Variants in CACHD1 observed in about 807,000 individuals in gnomAD.
The protein encoded by CACHD1 is VWFA and cache domain-containing protein 1.
CACHD1 carries 71 observed loss-of-function variants against 138.7 expected under a neutral mutation model. That is an observed-to-expected ratio of 0.51 (90% CI 0.42 to 0.62). The LOEUF is 0.62. Ranked by LOEUF, CACHD1 falls within the 20% of genes least tolerant of loss-of-function variation. CACHD1 has a pLI of 0.00. For synonymous variants in CACHD1, 578 were observed against 591.5 expected (o/e 0.98, Z 0.33); for missense variants, 1,389 against 1,625.3 (o/e 0.85, Z 2.50).
chr1:64,547,983 C>T (rs1646730424), intron 1 of CACHD1, among the ~76,000 whole-genome samples: 1 of 152,016 alleles, frequency 6.6e-6, no homozygotes, highest in African/African-American at 2.4e-5. Flanking sequence ...TTTTGCCCAC[C>T]CACATTTATT....
rs778128365 is a variant in CACHD1 at position 64,682,126 on chromosome 1, A to G, written c.3586+20A>G. On this transcript the variant is annotated intron_variant, in intron 26 of 26. Coordinates refer to ENST00000651257, the MANE Select transcript of CACHD1 (RefSeq NM_020925.4). ...ATCATGGTAAGGTCTAGCTTCCTGCATTTGAAGACCCAAGGAACCTCATGT... is the reference window on the plus strand; with the variant it reads ...ATCATGGTAAGGTCTAGCTTCCTGCGTTTGAAGACCCAAGGAACCTCATGT... 3.1e-6 allele frequency: 5 copies of G among 1,606,272 alleles called. No homozygotes were observed. In the Admixed American group the frequency reaches 5.0e-5, roughly 16 times the overall value.
At chr1:64,542,605 T>C (rs1350976716) in intron 1 of CACHD1, among the ~76,000 whole-genome samples, 3 of 152,098 alleles carry the variant, frequency 2.0e-5, no homozygotes, top group African/African-American at 7.2e-5. Flanking sequence ...AATTTTAAGA[T>C]TTGTGGGGGA....
chr1:64,548,422 C>T (rs1280407457), intron 1 of CACHD1, among the ~76,000 whole-genome samples: 8 of 152,130 alleles, frequency 5.3e-5, no homozygotes. Flanking sequence ...TATTTAACAG[C>T]TTTTGGAAAT....
chr1:64,526,127 A>G (rs1367041963), intron 1 of CACHD1, among the ~76,000 whole-genome samples: 1 of 152,188 alleles, frequency 6.6e-6, no homozygotes, highest in African/African-American at 2.4e-5. Context: ...ACAGCCCCTC[A>G]GAGCCCGTGT....
chr1:64,665,934 G>A, intron 15 of CACHD1, 123 bp from the exon 16 acceptor site: 2 of 471,720 alleles, frequency 4.2e-6, no homozygotes, highest in Middle Eastern at 6.1e-4. Flanking sequence ...GAACCCAGGA[G>A]GCGGAGCTTG....
At chr1:64,513,731 GAC>G (rs758849323) in intron 1 of CACHD1, among the ~76,000 whole-genome samples, 7 of 152,224 alleles carry the variant, frequency 4.6e-5, no homozygotes, top group Non-Finnish European at 8.8e-5. Flanking sequence ...GAATGCCTGT[GAC>G]ACAGCTGGAG....
intron 2 of CACHD1, among the ~76,000 whole-genome samples, chr1:64,559,733 T>C (rs180754290): frequency 6.6e-6 from 1 of 152,204 alleles, no homozygotes; most frequent in Non-Finnish European, 1.5e-5. Flanking sequence ...AAAGGTGTTA[T>C]TTCTTCCTGC....
chr1:64,628,484 T>C (rs897446067), intron 4 of CACHD1, among the ~76,000 whole-genome samples: 2 of 152,164 alleles, frequency 1.3e-5, no homozygotes, highest in Admixed American at 6.6e-5. Flanking sequence ...AAAGAGGAAA[T>C]TCTGATTGCG....
In CACHD1 at chr1:64,594,121, G is replaced by T. The variant is rs545405020; in HGVS notation, c.411-8685G>T. ...ATACAAAAATTAGCTGCGCATGATGGTGGGCGCCTGTAATCCCAGCTAGTT... is the reference window on the plus strand; with the variant it reads ...ATACAAAAATTAGCTGCGCATGATGTTGGGCGCCTGTAATCCCAGCTAGTT... On this transcript the variant is annotated intron_variant, in intron 3 of 26. Transcript: ENST00000651257. Among the ~76,000 whole-genome samples the T allele has an allele frequency of 6.6e-5, 10 of 152,218 alleles. No homozygotes were observed. The South Asian group carries it at 2.1e-3, about 32-fold the overall frequency.
At chr1:64,488,610 G>A (rs1044269009) in intron 1 of CACHD1, among the ~76,000 whole-genome samples, 6 of 152,060 alleles carry the variant, frequency 3.9e-5, no homozygotes, top group Non-Finnish European at 7.4e-5. Flanking sequence ...CTTCCATTTC[G>A]TTAGAATTTG....
rs116500708 is a variant in CACHD1 at position 64,479,338 on chromosome 1, G to A, written c.198+8396G>A. Among the ~76,000 whole-genome samples the A allele has an allele frequency of 8.5e-3, 1,287 of 152,278 alleles. 9 individuals are homozygous for A. The highest frequency in any genetic ancestry group is 0.061 in the Middle Eastern group (18 of 294). On this transcript the variant is annotated intron_variant, in intron 1 of 26. Transcript: ENST00000651257. ...TGAGAGGAGGTTCAGGATGCTTGGA[G>A]AAAGTGTCAGGGATGTTAACCTATT...
Position 64,497,981 on chromosome 1 carries a change from G to T in CACHD1, c.198+27039G>T, listed in dbSNP as rs551384332. ...TCTCTACTGAAAATACCAAAAATTA[G>T]CTGGGCGTGGTGGTGCGTGCCTGTA... On this transcript the variant is annotated intron_variant, in intron 1 of 26. Transcript: ENST00000651257. Among the ~76,000 whole-genome samples, 237 of 152,300 alleles carry T rather than the reference G, an allele frequency of 1.6e-3. 1 individual carries two copies. Among genetic ancestry groups the T allele is most frequent in the Non-Finnish European group, 2.7e-3 (187 of 68,026 alleles).
Position 64,517,236 on chromosome 1 carries a change from A to G in CACHD1, c.199-33358A>G, listed in dbSNP as rs887832728. Among the ~76,000 whole-genome samples, 5 of 152,338 alleles carry G rather than the reference A, an allele frequency of 3.3e-5. 1 individual carries two copies. The highest frequency in any genetic ancestry group is 1.2e-4 in the African/African-American group (5 of 41,588). On this transcript the variant is annotated intron_variant, in intron 1 of 26. Transcript: ENST00000651257. ...TGCAAATATTTTTTCAGTGTATACT[A>G]TGTGCTTTTAGTTCTACTAATTCAT...
At chr1:64,476,212 C>T (rs1407269437) in intron 1 of CACHD1, among the ~76,000 whole-genome samples, 1 of 152,180 alleles carries the variant, frequency 6.6e-6, no homozygotes, top group Admixed American at 6.5e-5. Context: ...CAAGGTAGCT[C>T]GTGTATCTTG....
chr1:64,521,575 A>C (rs1646498369), intron 1 of CACHD1, among the ~76,000 whole-genome samples: 2 of 152,194 alleles, frequency 1.3e-5, no homozygotes, highest in South Asian at 4.1e-4. Context: ...ATACTATTCT[A>C]TTGTATAGAT....
chr1:64,658,789 C>T lies in CACHD1; in HGVS notation c.1867C>T (p.Pro623Ser). ...ACAACTGAAGAACCTCAACACTGTT[C>T]CCAGCAGCAAGCTGCTGTACCACCG... is the stretch of plus-strand genomic sequence containing the variant. Reference protein sequence around the residue: ...VKQLKNLNTVPSSKLLYHRLD... With the variant: ...VKQLKNLNTVSSSKLLYHRLD... Residue 623 changes from proline (P) to serine (S), a missense_variant, in exon 13 of 27, where the codon CCC becomes TCC. Pro to Ser is a moderately conservative substitution (Grantham distance 74). This residue lies in a region of CACHD1 where 1,000 missense variants were observed against 1,114.7 expected (regional missense o/e 0.90). Coordinates refer to ENST00000651257, the MANE Select transcript of CACHD1 (RefSeq NM_020925.4). The T allele has an allele frequency of 3.7e-6, 6 of 1,606,724 alleles. No individual in the cohort carries two copies. The highest frequency in any genetic ancestry group is 5.1e-6 in the Non-Finnish European group (6 of 1,175,572).
At chr1:64,537,411 G>C (rs371560804) in intron 1 of CACHD1, among the ~76,000 whole-genome samples, 1 of 152,150 alleles carries the variant, frequency 6.6e-6, no homozygotes, top group Non-Finnish European at 1.5e-5. Flanking sequence ...GATTTGGCTT[G>C]TTCTCAGACA....
chr1:64,664,357 A>G (rs1293796007), intron 14 of CACHD1, 141 bp from the exon 15 acceptor site: 2 of 720,008 alleles, frequency 2.8e-6, no homozygotes, highest in Non-Finnish European at 2.3e-6. Flanking sequence ...GTTTGGTTGC[A>G]TCCATCTGCT....
intron 4 of CACHD1, among the ~76,000 whole-genome samples, chr1:64,618,464 T>A (rs1044827041): frequency 6.6e-6 from 1 of 152,170 alleles, no homozygotes; most frequent in Non-Finnish European, 1.5e-5. Flanking sequence ...CTCATAGGGT[T>A]GTTGTAGTAA....
Sources: allele counts gnomAD v4.1 joint callset (sites outside exome capture counted in the v4.1 genomes callset), GRCh38; gene constraint gnomAD v4.1.1; regional missense constraint gnomAD v4.1.1; transcripts MANE v1.5; gene names NCBI Gene and HGNC (gene_info 2026-07-23, HGNC 2026-07-21).